Variants in SOX6 observed in about 807,000 individuals in gnomAD.
SOX6 encodes transcription factor SOX-6.
Under a neutral mutation model 97.8 loss-of-function variants are expected in SOX6, and 11 were observed. The observed-to-expected ratio is 0.11, with a 90% CI of 0.07 to 0.19. The LOEUF (loss-of-function observed/expected upper bound fraction) is 0.19, where lower values mean the gene tolerates loss of function less well. SOX6 is among the 10% of genes least tolerant of loss of function. The probability of loss-of-function intolerance (pLI) is 1.00; values close to 1 mark genes in which losing one functional copy is unlikely to be tolerated. For synonymous variants in SOX6, 360 were observed against 371.4 expected, an observed-to-expected ratio of 0.97 and a Z score of 0.35; for missense variants, 810 against 1,039.5, an observed-to-expected ratio of 0.78 and a Z score of 3.04.
intron 3 of SOX6, among the ~76,000 whole-genome samples, chr11:16,648,615 A>G (rs752656729): frequency 9.9e-5 from 15 of 152,194 alleles, no homozygotes; most frequent in Non-Finnish European, 1.9e-4. Context: ...CCCTGATCCC[A>G]GGAAGAAGAT....
At chr11:16,148,376 T>C (rs139089446) in intron 6 of SOX6, among the ~76,000 whole-genome samples, 1 of 152,282 alleles carries the variant, frequency 6.6e-6, no homozygotes, top group East Asian at 1.9e-4. Context: ...CCTGCTCTGT[T>C]GTCTGGAGAA....
chr11:16,217,471 A>G (rs1472893140), intron 4 of SOX6, among the ~76,000 whole-genome samples: 1 of 152,188 alleles, frequency 6.6e-6, no homozygotes, highest in East Asian at 1.9e-4. Flanking sequence ...ATCTCAATGT[A>G]CTTCTAAAAT....
At chr11:16,165,281 A>G (rs1024670776) in intron 6 of SOX6, among the ~76,000 whole-genome samples, 1 of 152,210 alleles carries the variant, frequency 6.6e-6, no homozygotes, top group Admixed American at 6.5e-5. Flanking sequence ...TTTACTTAGT[A>G]TGATTATTGC....
At chr11:16,724,069 A>G (rs1420714522) in intron 2 of SOX6, among the ~76,000 whole-genome samples, 1 of 152,252 alleles carries the variant, frequency 6.6e-6, no homozygotes, top group African/African-American at 2.4e-5. Flanking sequence ...ATTACTGAAT[A>G]TAATAACTAA....
At chr11:16,055,674 C>T (rs988032674) in intron 10 of SOX6, 78 bp downstream of exon 10, 5 of 1,578,176 alleles carry the variant, frequency 3.2e-6, no homozygotes, top group Non-Finnish European at 4.3e-6. Context: ...CTGTTTATGC[C>T]CAACATAGCC....
chr11:16,471,091 GT>G (rs997556702), intron 1 of SOX6, among the ~76,000 whole-genome samples: 153 of 144,448 alleles, frequency 1.1e-3, no homozygotes, highest in African/African-American at 3.0e-3. Context: ...TTTTTTTTTT[GT>G]TTTTTTTTTA....
At chr11:16,191,866 T>TTTTTTC (rs1207357729) in intron 4 of SOX6, among the ~76,000 whole-genome samples, 2 of 151,164 alleles carry the variant, frequency 1.3e-5, no homozygotes, top group Non-Finnish European at 2.9e-5. Flanking sequence ...TTTTTTCTTT[T>TTTTTTC]TTTTTCTTTT....
chr11:16,702,846 T>C (rs1848104917), intron 3 of SOX6, among the ~76,000 whole-genome samples: 1 of 151,598 alleles, frequency 6.6e-6, no homozygotes, highest in African/African-American at 2.4e-5. Flanking sequence ...AATATTGTAT[T>C]TTATATCCCA....
intron 13 of SOX6, among the ~76,000 whole-genome samples, chr11:15,994,099 C>A: frequency 6.6e-6 from 1 of 152,102 alleles, no homozygotes; most frequent in East Asian, 1.9e-4. Context: ...ATAACATGTG[C>A]ACTTTGTTTT....
intron 3 of SOX6, among the ~76,000 whole-genome samples, chr11:16,642,593 C>G (rs1590031777): frequency 6.6e-6 from 1 of 152,338 alleles, no homozygotes; most frequent in Non-Finnish European, 1.5e-5. Context: ...GCCCATATTT[C>G]TTGGAGGCTT....
intron 1 of SOX6, among the ~76,000 whole-genome samples, chr11:16,452,222 A>T (rs1235548902): frequency 6.6e-6 from 1 of 152,136 alleles, no homozygotes; most frequent in African/African-American, 2.4e-5. Flanking sequence ...TATCAAATAA[A>T]TCCATGTCTG....
At position 16,556,791 on chromosome 11, in the gene SOX6, A is replaced by G. The variant is rs142722060; in HGVS notation, n.609+55290T>C. On this transcript the variant is annotated intron_variant and non_coding_transcript_variant, in intron 4 of 5. Coordinates refer to the SOX6 transcript ENST00000524520. ...ATATAATAAAGAGCATGAAAAGTTA[A>G]TTCATAAAATACGGAAGGCACAAAT... Among the ~76,000 whole-genome samples the G allele has an allele frequency of 3.9e-5, 6 of 151,924 alleles. No homozygotes were observed. The East Asian group carries it at 1.2e-3, about 29-fold the overall frequency.
rs1179428448 is a variant in SOX6, at chr11:16,096,038, A to G, written c.1059T>C (p.Phe353=). 6.2e-7 allele frequency: 1 copy of G among 1,611,708 alleles called. No homozygotes were observed. Among genetic ancestry groups the G allele is most frequent in the Admixed American group, 1.7e-5 (1 of 59,754 alleles). The part of the protein sequence containing the change: ...SDRFGRNLDT[F]EHGGGHSYNH... ...TGTAAGAGTGGCCACCACCATGTTCAAAGGTGTCCAAATTCCTGCCAAAAC... is the reference window on the plus strand; with the variant it reads ...TGTAAGAGTGGCCACCACCATGTTCGAAGGTGTCCAAATTCCTGCCAAAAC... The change falls in exon 9 of 16, where the codon TTT becomes TTC. Residue 353 remains phenylalanine, a synonymous_variant. Coordinates refer to ENST00000683767, the MANE Select transcript of SOX6 (RefSeq NM_001367873.1).
chr11:16,279,313 C>T (rs999257965), intron 3 of SOX6, among the ~76,000 whole-genome samples: 7 of 152,036 alleles, frequency 4.6e-5, no homozygotes, highest in Admixed American at 2.0e-4. Flanking sequence ...CATATCAAGA[C>T]TTTATATGAC....
intron 3 of SOX6, among the ~76,000 whole-genome samples, chr11:16,272,938 T>C (rs1854299753): frequency 6.6e-6 from 1 of 151,888 alleles, no homozygotes; most frequent in South Asian, 2.1e-4. Context: ...AAAATGGGAT[T>C]AATATTAGCA....
At chr11:16,595,859 G>T (rs964407757) in intron 4 of SOX6, among the ~76,000 whole-genome samples, 2 of 151,906 alleles carry the variant, frequency 1.3e-5, no homozygotes, top group African/African-American at 4.8e-5. Context: ...CAGTAGAGAG[G>T]GTTTACTGCT....
chr11:16,638,009 C>G (rs1020300502), intron 3 of SOX6, among the ~76,000 whole-genome samples: 1 of 150,990 alleles, frequency 6.6e-6, no homozygotes. Context: ...GTGTGCTGCA[C>G]CCATTAAATC....
intron 2 of SOX6, among the ~76,000 whole-genome samples, chr11:16,335,027 A>G (rs1193581560): frequency 6.6e-6 from 1 of 152,156 alleles, no homozygotes; most frequent in Non-Finnish European, 1.5e-5. Flanking sequence ...TTTGCTGTCT[A>G]TTTCACTACC....
chr11:16,563,551 T>C (rs1847838181), intron 4 of SOX6, among the ~76,000 whole-genome samples: 1 of 152,100 alleles, frequency 6.6e-6, no homozygotes, highest in Admixed American at 6.6e-5. Context: ...AACAATAGAA[T>C]ATATCCAATC....
Sources: allele counts gnomAD v4.1 joint callset (sites outside exome capture counted in the v4.1 genomes callset), GRCh38; gene constraint gnomAD v4.1.1; transcripts MANE v1.5; gene names NCBI Gene and HGNC (gene_info 2026-07-23, HGNC 2026-07-21).